The following RABGEF1 variants were observed in gnomAD, a reference collection of about 807,000 sequenced individuals.
The protein encoded by RABGEF1 is rab5 GDP/GTP exchange factor.
A neutral mutation model predicts 57.3 loss-of-function variants in RABGEF1; 26 were observed. That is an observed-to-expected ratio of 0.45 (90% CI 0.33 to 0.63). The LOEUF is 0.63. RABGEF1 is among the 20% of genes least tolerant of loss of function. The pLI is 0.02. For missense variants in RABGEF1, 464 were observed against 607.6 expected (o/e 0.76, Z 2.48); for synonymous variants, 185 against 210.7 (o/e 0.88, Z 1.06).
intron 2 of RABGEF1, among the ~76,000 whole-genome samples, chr7:66,715,211 TCA>T (rs1795244473): frequency 1.3e-5 from 2 of 152,108 alleles, no homozygotes; most frequent in Admixed American, 6.6e-5. Context: ...CACTGCATCC[TCA>T]AACTCATGGG....
chr7:66,681,978 C>G (rs1584573641), upstream of RABGEF1, among the ~76,000 whole-genome samples: 3 of 152,346 alleles, frequency 2.0e-5, no homozygotes, highest in South Asian at 6.2e-4. Context: ...CTTCTATTTG[C>G]TCTTGGGCGT....
chr7:66,722,492 AAAG>A (rs1796160550), intron 2 of RABGEF1, among the ~76,000 whole-genome samples: 1 of 152,218 alleles, frequency 6.6e-6, no homozygotes. Context: ...ACAAAGGAAA[AAAG>A]AAATACAAAG....
At chr7:66,720,026 T>C (rs1584919150) in intron 2 of RABGEF1, among the ~76,000 whole-genome samples, 1 of 151,936 alleles carries the variant, frequency 6.6e-6, no homozygotes, top group Non-Finnish European at 1.5e-5. Flanking sequence ...GTGAAATGCG[T>C]CCCAGAAATA....
chr7:66,662,325 G>A, the RABGEF1 span, among the ~76,000 whole-genome samples: 1 of 152,148 alleles, frequency 6.6e-6, no homozygotes, highest in African/African-American at 2.4e-5. Flanking sequence ...AAATTAGCTG[G>A]GTGTGGTGTT....
chr7:66,802,696 C>G (rs188727261), intron 7 of RABGEF1, among the ~76,000 whole-genome samples: 1 of 152,184 alleles, frequency 6.6e-6, no homozygotes, highest in Non-Finnish European at 1.5e-5. Context: ...ATGCTAGGAA[C>G]GGGTCTCTGC....
At chr7:66,805,109 C>T in intron 7 of RABGEF1, 31 bp from the exon 8 acceptor site, 1 of 1,553,990 alleles carries the variant, frequency 6.4e-7, no homozygotes. Context: ...ATTCTTTTCT[C>T]CTGGGAAATA....
chr7:66,745,700 C>T (rs1585109669), intron 1 of RABGEF1, among the ~76,000 whole-genome samples: 3 of 148,136 alleles, frequency 2.0e-5, no homozygotes, highest in South Asian at 2.1e-4. Flanking sequence ...TCCCGGGAGG[C>T]GGAAATTGCA....
chr7:66,660,198 A>G, the RABGEF1 span, among the ~76,000 whole-genome samples: 2 of 152,056 alleles, frequency 1.3e-5, no homozygotes, highest in African/African-American at 4.8e-5. Context: ...ATAGAAAAAA[A>G]TCAGCCGGGT....
At chr7:66,749,961 G>A (rs764021321) in intron 1 of RABGEF1, among the ~76,000 whole-genome samples, 7 of 152,216 alleles carry the variant, frequency 4.6e-5, no homozygotes, top group Admixed American at 2.0e-4. Flanking sequence ...GCGACAGAGC[G>A]AGACTCCATC....
chr7:66,696,755 G>T (rs143523675), intron 1 of RABGEF1, among the ~76,000 whole-genome samples: 1 of 151,816 alleles, frequency 6.6e-6, no homozygotes, highest in African/African-American at 2.4e-5. Flanking sequence ...GGGAAACACT[G>T]GCAGGCATGG....
intron 1 of RABGEF1, among the ~76,000 whole-genome samples, chr7:66,693,613 A>G (rs1402652467): frequency 6.6e-6 from 1 of 152,104 alleles, no homozygotes; most frequent in Non-Finnish European, 1.5e-5. Flanking sequence ...CTGGAGGAGC[A>G]AAAGTTTTCC....
At chr7:66,750,508 A>C (rs1471950832) in intron 1 of RABGEF1, among the ~76,000 whole-genome samples, 1 of 152,192 alleles carries the variant, frequency 6.6e-6, no homozygotes, top group East Asian at 1.9e-4. Flanking sequence ...CTGTAAGAGC[A>C]CTTATAGGAT....
chr7:66,793,312 A>T (rs1813168814), intron 4 of RABGEF1, among the ~76,000 whole-genome samples: 1 of 152,228 alleles, frequency 6.6e-6, no homozygotes, highest in African/African-American at 2.4e-5. Flanking sequence ...TATGCCTTAC[A>T]TACATAGCCT....
intron 2 of RABGEF1, among the ~76,000 whole-genome samples, chr7:66,733,349 T>C (rs1054530748): frequency 5.3e-5 from 8 of 152,162 alleles, no homozygotes; most frequent in African/African-American, 1.2e-4. Flanking sequence ...TGGTGTGACA[T>C]TGACTGTTAC....
the RABGEF1 span, among the ~76,000 whole-genome samples, chr7:66,655,057 C>A: frequency 6.6e-6 from 1 of 152,218 alleles, no homozygotes; most frequent in Non-Finnish European, 1.5e-5. Flanking sequence ...CTGGAACGCG[C>A]CTAGCTGGGA....
At chr7:66,778,945 G>A (rs1018393271) in intron 3 of RABGEF1, among the ~76,000 whole-genome samples, 8 of 151,918 alleles carry the variant, frequency 5.3e-5, no homozygotes, top group Non-Finnish European at 1.0e-4. Flanking sequence ...GCACAACCCC[G>A]TCTCTACTAA....
chr7:66,762,949 C>G (rs1449293604), intron 1 of RABGEF1, among the ~76,000 whole-genome samples: 1 of 152,192 alleles, frequency 6.6e-6, no homozygotes, highest in African/African-American at 2.4e-5. Flanking sequence ...CAAAGGCTCT[C>G]CCAACAAAGG....
chr7:66,800,260 A>G (rs1786981894), intron 7 of RABGEF1, among the ~76,000 whole-genome samples: 1 of 152,166 alleles, frequency 6.6e-6, no homozygotes, highest in Non-Finnish European at 1.5e-5. Flanking sequence ...TGCTTAAGGT[A>G]TTATCAGGGT....
chr7:66,693,114 T>C (rs1372040569), intron 1 of RABGEF1, among the ~76,000 whole-genome samples: 1 of 152,128 alleles, frequency 6.6e-6, no homozygotes, highest in Admixed American at 6.6e-5. Context: ...AGCGGGCTTC[T>C]TCATGGACAG....
Sources: gnomAD v4.1 joint callset for allele counts (sites outside exome capture counted in the v4.1 genomes callset) on GRCh38, gnomAD v4.1.1 for gene constraint, MANE v1.5 for transcripts, NCBI Gene and HGNC (gene_info 2026-07-23, HGNC 2026-07-21) for gene names.